Variants in RSAD1 observed in about 807,000 individuals in gnomAD.
RSAD1 encodes the protein radical S-adenosyl methionine domain-containing protein 1, mitochondrial.
Under a neutral mutation model 46.2 loss-of-function variants are expected in RSAD1, and 34 were observed. The ratio of observed to expected loss-of-function variants is 0.74; its 90% confidence interval spans 0.56 to 0.98. RSAD1 has a LOEUF of 0.98. Ranked by LOEUF, RSAD1 falls within the 50% of genes least tolerant of loss-of-function variation. The probability of loss-of-function intolerance (pLI) is 0.00; values close to 1 mark genes in which losing one functional copy is unlikely to be tolerated. For missense variants in RSAD1, 635 were observed against 592.3 expected, an observed-to-expected ratio of 1.07 and a Z score of -0.75; for synonymous variants, 260 against 253.5, an observed-to-expected ratio of 1.03 and a Z score of -0.24.
chr17:50,479,219 C>A, intron 1 of RSAD1, 200 bp downstream of exon 1: 2 of 554,888 alleles, frequency 3.6e-6, no homozygotes, highest in Non-Finnish European at 5.7e-6. Flanking sequence ...CTCTGCTACT[C>A]ACCGGCTCGG....
At position 50,479,640 on chromosome 17, in the gene RSAD1, C is replaced by T; in HGVS notation, c.147C>T (p.Cys49=). ...CTCACTGCCCCCAGTGGCCTTACTGCGAGAAGCGCTGCAGTTACTGCAACT... is the reference window on the plus strand; with the variant it reads ...CTCACTGCCCCCAGTGGCCTTACTGTGAGAAGCGCTGCAGTTACTGCAACT... ...RAALYVHWPY[C]EKRCSYCNFN... The change falls in exon 2 of 9, where the codon TGC becomes TGT. Residue 49 remains cysteine, a synonymous_variant. Coordinates refer to ENST00000258955, the MANE Select transcript of RSAD1 (RefSeq NM_018346.3). 1.2e-6 allele frequency: 2 copies of T among 1,613,738 alleles called. No individual in the cohort carries two copies. Among genetic ancestry groups the T allele is most frequent in the Non-Finnish European group, 1.7e-6 (2 of 1,180,036 alleles).
rs372181433 is a variant in RSAD1 at position 50,482,043 on chromosome 17, G to A, written c.475-48G>A. ...GTCTACAATGGGGAGGAGGGTTCTTGTCTCTCTCTGAGCTGCTGGTATGCT... is the reference window on the plus strand; with the variant it reads ...GTCTACAATGGGGAGGAGGGTTCTTATCTCTCTCTGAGCTGCTGGTATGCT... On this transcript the variant is annotated intron_variant, in intron 3 of 8. Transcript: ENST00000258955. The A allele has an allele frequency of 4.6e-5, 69 of 1,484,774 alleles. No homozygotes were observed. The African/African-American group carries it at 7.7e-4, about 17-fold the overall frequency. The allele number at this position is 1,484,774 out of a possible 1,614,324, so 92.0% of individuals were successfully genotyped here.
In RSAD1 at chr17:50,485,449, T is replaced by C. The variant is rs904873620; in HGVS notation, c.*588T>C. ...CTTCCAGCAGCACAAAAGCAGATGATGTACTGGAAAATGCTCAGAAGATGC... is the reference window on the plus strand; with the variant it reads ...CTTCCAGCAGCACAAAAGCAGATGACGTACTGGAAAATGCTCAGAAGATGC... On this transcript the variant is annotated 3_prime_UTR_variant, in exon 9 of 9. Transcript: ENST00000258955. 3 of 152,432 alleles carry C rather than the reference T, an allele frequency of 2.0e-5. No homozygotes were observed. The highest frequency in any genetic ancestry group is 7.2e-5 in the African/African-American group (3 of 41,454). 9.4% of individuals were successfully genotyped at this position (152,432 alleles called of 1,614,324 possible).
chr17:50,484,450 G>A lies in RSAD1; in HGVS notation c.1116G>A (p.Gln372=). 2 of 1,613,574 alleles carry A rather than the reference G, an allele frequency of 1.2e-6. No individual in the cohort carries two copies. Among genetic ancestry groups the A allele is most frequent in the Non-Finnish European group, 1.7e-6 (2 of 1,179,926 alleles). Residue 372 remains glutamine, a synonymous_variant, in exon 8 of 9, where the codon CAG becomes CAA. Transcript: ENST00000258955. ...CCCTCTGGCTTCCCCAGCACTGGCAGCAGTTTGAGCCCCAGCTGACCCTGT... is the reference window on the plus strand; with the variant it reads ...CCCTCTGGCTTCCCCAGCACTGGCAACAGTTTGAGCCCCAGCTGACCCTGT... ...TDVGITHQHW[Q]QFEPQLTLWD... is the part of the protein sequence containing the mutation.
chr17:50,484,996 G>A lies in RSAD1; in HGVS notation c.*135G>A, dbSNP rs1459960599. The A allele has an allele frequency of 2.8e-5, 19 of 685,958 alleles. No individual in the cohort carries two copies. The highest frequency in any genetic ancestry group is 3.8e-5 in the Non-Finnish European group (15 of 392,258). 42.5% of individuals were successfully genotyped at this position (685,958 alleles called of 1,614,324 possible). A position where few individuals can be genotyped will look rare whatever the true frequency, so the allele number is the denominator to read the frequency against. ...ATTGCTCAGCCCTGGCATCCCCAGG[G>A]GAATGGCAGCAGTGAGGTAGATGGG... On this transcript the variant is annotated 3_prime_UTR_variant, in exon 9 of 9. Transcript: ENST00000258955.
At position 50,483,480 on chromosome 17, in the gene RSAD1, C is replaced by G; in HGVS notation, c.1045C>G (p.Leu349Val). Residue 349 changes from leucine (L) to valine (V), a missense_variant, in exon 6 of 9, where the codon CTG (leucine) becomes GTG (valine). Leu to Val is a conservative substitution (Grantham distance 32, BLOSUM62 1). Transcript: ENST00000258955. ...CCGGAAGCGTGTCCCCCTGGGCAGG[C>G]TGGAGCTGTGAGCATCCAAGGGCAC... Reference protein sequence around the residue: ...GTRKRVPLGRLELLEEVLALG... With the variant: ...GTRKRVPLGRVELLEEVLALG... The G allele has an allele frequency of 6.2e-7, 1 of 1,612,780 alleles. No individual in the cohort carries two copies. Among genetic ancestry groups the G allele is most frequent in the Non-Finnish European group, 8.5e-7 (1 of 1,179,406 alleles).
At chr17:50,484,415 C>T (rs1043750369) in intron 7 of RSAD1, 27 bp from the exon 8 acceptor site, 2 of 1,607,068 alleles carry the variant, frequency 1.2e-6, no homozygotes, top group Non-Finnish European at 1.7e-6. Flanking sequence ...GGCCAGCTCC[C>T]CACCTCTGAC....
rs769088189 is a variant in RSAD1, at chr17:50,483,758, C to T, written c.1105C>T (p.Gln369Ter). Residue 369 changes from glutamine (Q) to a stop codon, truncating the protein, a stop_gained and splice_region_variant, in exon 7 of 9, where the codon CAG becomes TAG. Coordinates refer to ENST00000258955, the MANE Select transcript of RSAD1 (RefSeq NM_018346.3). LOFTEE classifies it high-confidence loss of function. ...ACGCACCGATGTGGGGATCACTCAC[C>T]AGGTAAGGAGTTAGGATTCTTGCAC... ...GLRTDVGITH[Q>*]HWQQFEPQLT... The T allele has an allele frequency of 1.2e-6, 2 of 1,608,952 alleles. No homozygotes were observed. The highest frequency in any genetic ancestry group is 1.7e-6 in the Non-Finnish European group (2 of 1,178,574).
intron 3 of RSAD1, 24 bp downstream of exon 3, chr17:50,480,108 C>A (rs1194216573): frequency 1.2e-6 from 2 of 1,606,714 alleles, no homozygotes; most frequent in African/African-American, 2.7e-5. Context: ...CTCACCCCAT[C>A]CCAGTGCACC....
chr17:50,479,933 C>A lies in RSAD1; in HGVS notation c.323C>A (p.Thr108Lys). The change falls in exon 3 of 9, where the codon ACG becomes AAG. Residue 108 changes from threonine to lysine, a missense_variant. Physicochemically the swap from Thr to Lys is moderately conservative, Grantham distance 78 (BLOSUM62 -1). Coordinates refer to ENST00000258955, the MANE Select transcript of RSAD1 (RefSeq NM_018346.3). ...ACCCCCAGTCTAGCCAGTCCCCACACGGTGGCTGCTGTCCTGGAGGCTGTG... is the reference window on the plus strand; with the variant it reads ...ACCCCCAGTCTAGCCAGTCCCCACAAGGTGGCTGCTGTCCTGGAGGCTGTG... ...GGTPSLASPHTVAAVLEAVAQ... is the reference protein window; with the variant it reads ...GGTPSLASPHKVAAVLEAVAQ... The A allele has an allele frequency of 1.2e-6, 2 of 1,614,194 alleles. No homozygotes were observed. The highest frequency in any genetic ancestry group is 8.5e-7 in the Non-Finnish European group (1 of 1,180,028).
At chr17:50,480,773 C>G (rs1226236108) in intron 3 of RSAD1, 1 of 152,736 alleles carries the variant, frequency 6.5e-6, no homozygotes, top group African/African-American at 2.4e-5. Context: ...CGTAGGACTT[C>G]CGGGTTGTGG....
intron 5 of RSAD1, 72 bp downstream of exon 5, chr17:50,482,778 T>A: frequency 1.4e-6 from 2 of 1,404,124 alleles, no homozygotes; most frequent in Non-Finnish European, 2.0e-6. Context: ...TGGGCCACAT[T>A]AACCTCTCCA....
chr17:50,480,622 G>A (rs1036639432), intron 3 of RSAD1: 3 of 166,480 alleles, frequency 1.8e-5, no homozygotes, highest in Non-Finnish European at 4.0e-5. Context: ...TGGAGAGGCT[G>A]GAAACAAGGT....
Position 50,483,765 on chromosome 17 carries a change from G to A in RSAD1, c.1107+5G>A, listed in dbSNP as rs762416918. The A allele has an allele frequency of 3.1e-6, 5 of 1,605,198 alleles. No homozygotes were observed. In the East Asian group the frequency reaches 6.7e-5, roughly 22 times the overall value. On this transcript the variant is annotated splice_donor_5th_base_variant and intron_variant, in intron 7 of 8. Coordinates refer to ENST00000258955, the MANE Select transcript of RSAD1 (RefSeq NM_018346.3). ...GATGTGGGGATCACTCACCAGGTAA[G>A]GAGTTAGGATTCTTGCACACCACTC...
chr17:50,480,928 A>G (rs2033374272), intron 3 of RSAD1, among the ~76,000 whole-genome samples: 1 of 152,238 alleles, frequency 6.6e-6, no homozygotes, highest in Admixed American at 6.5e-5. Context: ...AGACAGCATG[A>G]GATCTACCGT....
chr17:50,483,838 C>G, intron 7 of RSAD1, 78 bp downstream of exon 7: 5 of 1,362,260 alleles, frequency 3.7e-6, no homozygotes, highest in Middle Eastern at 2.3e-4. Flanking sequence ...CCACCCCCCC[C>G]ACACACATAT....
chr17:50,484,813 C>G lies in RSAD1; in HGVS notation c.1281C>G (p.Leu427=), dbSNP rs147165235. The G allele has an allele frequency of 1.9e-6, 3 of 1,613,986 alleles. No individual in the cohort carries two copies. The highest frequency in any genetic ancestry group is 2.7e-5 in the African/African-American group (2 of 75,010). The change falls in exon 9 of 9, where the codon CTC becomes CTG. Residue 427 remains leucine (L), a synonymous_variant. Transcript: ENST00000258955. Reference sequence around the variant, plus strand: ...TCTTGCTGACCCTCCTGCCTCAGCTCCAAGAAGCCTGGCAGCAGAGAACCC... The same window carrying G: ...TCTTGCTGACCCTCCTGCCTCAGCTGCAAGAAGCCTGGCAGCAGAGAACCC... ...DSLLLTLLPQ[L]QEAWQQRTPS...
intron 5 of RSAD1, 151 bp from the exon 6 acceptor site, chr17:50,483,189 A>AAGAAG (rs1555615312): frequency 4.4e-6 from 1 of 228,004 alleles, no homozygotes; most frequent in Non-Finnish European, 6.7e-6. Context: ...AAAAAAAAAA[A>AAGAAG]AAAGAAAGAA....
rs1311343201 is a variant in RSAD1 at position 50,485,841 on chromosome 17, G to C, written c.*980G>C. On this transcript the variant is annotated 3_prime_UTR_variant, in exon 9 of 9. Transcript: ENST00000258955. Reference sequence around the variant, plus strand: ...TGCCTTTCCTTTGAGAGTGAAGGTGGGTGGAGTTGACCAGAGAAAGGGGAG... The same window carrying C: ...TGCCTTTCCTTTGAGAGTGAAGGTGCGTGGAGTTGACCAGAGAAAGGGGAG... 1 of 152,270 alleles carries C rather than the reference G, an allele frequency of 6.6e-6. No individual in the cohort carries two copies. The highest frequency in any genetic ancestry group is 2.4e-5 in the African/African-American group (1 of 41,450). 9.4% of individuals were successfully genotyped at this position (152,270 alleles called of 1,614,324 possible).
Sources: allele counts gnomAD v4.1 joint callset (sites outside exome capture counted in the v4.1 genomes callset), GRCh38; gene constraint gnomAD v4.1.1; transcripts MANE v1.5; gene names NCBI Gene and HGNC (gene_info 2026-07-23, HGNC 2026-07-21).